PDZD2: variants seen among roughly 807,000 people sequenced by gnomAD.
The protein encoded by PDZD2 is PDZ domain-containing protein 2.
Under a neutral mutation model 220.7 loss-of-function variants are expected in PDZD2, and 90 were observed. The observed-to-expected ratio is 0.41, with a 90% confidence interval of 0.34 to 0.49. The LOEUF is 0.49. Among genes scored for constraint, PDZD2 ranks in the 20% least tolerant of loss-of-function variants. The pLI is 0.28. For synonymous variants in PDZD2, 1,375 were observed against 1,450.5 expected (o/e 0.95, Z 1.18); for missense variants, 3,174 against 3,608.5 (o/e 0.88, Z 3.08).
chr5:31,886,373 G>T (rs1740473701), intron 2 of PDZD2, among the ~76,000 whole-genome samples: 1 of 151,998 alleles, frequency 6.6e-6, no homozygotes, highest in South Asian at 2.1e-4. Context: ...CCTCCCCTTG[G>T]CCCCTTCCTT....
chr5:31,969,339 TCTA>T (rs1749055971), intron 2 of PDZD2, among the ~76,000 whole-genome samples: 1 of 151,662 alleles, frequency 6.6e-6, no homozygotes, highest in Non-Finnish European at 1.5e-5. Context: ...AAACCCTGTC[TCTA>T]CCAAAAATAC....
chr5:31,749,470 C>G, intron 1 of PDZD2, among the ~76,000 whole-genome samples: 1 of 148,936 alleles, frequency 6.7e-6, no homozygotes. Flanking sequence ...TTCACCCAGG[C>G]TGGAGTGCAG....
At chr5:31,968,521 C>T (rs188508898) in intron 2 of PDZD2, among the ~76,000 whole-genome samples, 72 of 152,052 alleles carry the variant, frequency 4.7e-4, no homozygotes, top group Admixed American at 3.9e-3. Context: ...GGCATGGTGG[C>T]GTATGCCTGT....
chr5:31,917,361 C>T (rs563612682), intron 2 of PDZD2, among the ~76,000 whole-genome samples: 1 of 152,216 alleles, frequency 6.6e-6, no homozygotes, highest in African/African-American at 2.4e-5. Flanking sequence ...TGGCAAAACC[C>T]TGTTGCTACA....
chr5:31,755,240 T>A (rs2150181519), intron 1 of PDZD2, among the ~76,000 whole-genome samples: 1 of 152,302 alleles, frequency 6.6e-6, no homozygotes, highest in South Asian at 2.1e-4. Flanking sequence ...CTGCCTTTGC[T>A]TCGACCCCTG....
chr5:31,644,843 G>C (rs1745076436), intron 1 of PDZD2, among the ~76,000 whole-genome samples: 1 of 152,204 alleles, frequency 6.6e-6, no homozygotes, highest in Non-Finnish European at 1.5e-5. Context: ...ACACCTGGTT[G>C]ACAAAGTTAT....
chr5:31,746,136 G>A (rs903652146), intron 1 of PDZD2, among the ~76,000 whole-genome samples: 1 of 152,188 alleles, frequency 6.6e-6, no homozygotes, highest in African/African-American at 2.4e-5. Flanking sequence ...AGAAGTCACT[G>A]CCAATCCCTA....
intron 1 of PDZD2, among the ~76,000 whole-genome samples, chr5:31,763,356 C>T (rs1478786896): frequency 6.6e-6 from 1 of 152,176 alleles, no homozygotes; most frequent in Non-Finnish European, 1.5e-5. Flanking sequence ...ACACTGTCTA[C>T]CTCAGCCATG....
At chr5:31,749,727 G>T (rs924372627) in intron 1 of PDZD2, among the ~76,000 whole-genome samples, 5 of 151,998 alleles carry the variant, frequency 3.3e-5, no homozygotes, top group African/African-American at 1.2e-4. Context: ...CGGCTGTGAC[G>T]GTGTGATTGT....
chr5:32,054,787 A>G (rs1375736381), intron 10 of PDZD2, among the ~76,000 whole-genome samples: 1 of 152,220 alleles, frequency 6.6e-6, no homozygotes, highest in African/African-American at 2.4e-5. Flanking sequence ...ATAGTGCTTT[A>G]AACACTTAAA....
At chr5:31,908,643 A>ATCAG (rs70957977) in intron 2 of PDZD2, 3 of 1,002,840 alleles carry the variant, frequency 3.0e-6, no homozygotes, top group South Asian at 1.3e-5. Context: ...GTTACGTGAT[A>ATCAG]TCAAAGACAA....
intron 1 of PDZD2, among the ~76,000 whole-genome samples, chr5:31,752,220 A>G (rs2150178717): frequency 6.6e-6 from 1 of 151,574 alleles, no homozygotes; most frequent in African/African-American, 2.4e-5. Flanking sequence ...CCAGGAGTAC[A>G]GGTATGTGCC....
intron 19 of PDZD2, among the ~76,000 whole-genome samples, chr5:32,079,280 C>CAAAAAAAAAA (rs1321874066): frequency 8.2e-6 from 1 of 121,388 alleles, no homozygotes; most frequent in African/African-American, 3.4e-5. Context: ...AAAAAAAAAA[C>CAAAAAAAAAA]AAAAAAAAAA....
chr5:31,708,876 GTTTTGT>G (rs141096331), intron 1 of PDZD2, among the ~76,000 whole-genome samples: 54,198 of 148,376 alleles, frequency 0.37, 10,018 homozygotes, highest in African/African-American at 0.48. Context: ...CAGCAAATGT[GTTTTGT>G]TTTTTTTTTT....
chr5:31,692,122 C>T lies in PDZD2; in HGVS notation c.-361+52685C>T, dbSNP rs182812530. Among the ~76,000 whole-genome samples, 645 of 152,168 alleles carry T rather than the reference C, an allele frequency of 4.2e-3. 2 individuals carry two copies. The highest frequency in any genetic ancestry group is 7.9e-3 in the Non-Finnish European group (537 of 67,992). ...GAGCCCACGGAGTGGAGGGGAGGCT[C>T]AGGCATGGCGGGCTGCAGGTCCCGA... On this transcript the variant is annotated intron_variant, in intron 1 of 24. Coordinates refer to ENST00000438447, the MANE Select transcript of PDZD2 (RefSeq NM_178140.4).
At chr5:31,823,617 C>A (rs1756039603) in intron 2 of PDZD2, among the ~76,000 whole-genome samples, 1 of 152,166 alleles carries the variant, frequency 6.6e-6, no homozygotes, top group Non-Finnish European at 1.5e-5. Context: ...GAACTGAAAG[C>A]AGTCCCTGAT....
intron 2 of PDZD2, among the ~76,000 whole-genome samples, chr5:31,862,111 T>G (rs996217392): frequency 1.5e-4 from 21 of 139,872 alleles, no homozygotes; most frequent in Admixed American, 1.5e-3. Context: ...GTTTTTTTTT[T>G]TTTTTTTTTT....
intron 1 of PDZD2, among the ~76,000 whole-genome samples, chr5:31,724,283 G>C (rs1265081574): frequency 1.3e-5 from 2 of 152,128 alleles, no homozygotes; most frequent in Non-Finnish European, 2.9e-5. Flanking sequence ...AAGTCATGAA[G>C]TCTCCATGTT....
intron 2 of PDZD2, among the ~76,000 whole-genome samples, chr5:31,869,565 AAAG>A (rs1222520455): frequency 1.3e-5 from 2 of 152,098 alleles, no homozygotes; most frequent in Admixed American, 1.3e-4. Context: ...CTCTGTCTCA[AAAG>A]AAAAAAAAAA....
Sources: allele counts gnomAD v4.1 joint callset (sites outside exome capture counted in the v4.1 genomes callset), GRCh38; gene constraint gnomAD v4.1.1; transcripts MANE v1.5; gene names NCBI Gene and HGNC (gene_info 2026-07-23, HGNC 2026-07-21).